Variants in CCSER1 observed in about 807,000 individuals in gnomAD.
CCSER1 encodes the protein serine-rich coiled-coil domain-containing protein 1.
Under a neutral mutation model 82.0 loss-of-function variants are expected in CCSER1, and 41 were observed. The observed-to-expected ratio is 0.50, with a 90% CI of 0.39 to 0.65. CCSER1 has a LOEUF of 0.65. CCSER1 is among the 30% of genes least tolerant of loss of function. The pLI, the probability that CCSER1 is intolerant of heterozygous loss-of-function variation, is 0.00. For synonymous variants in CCSER1, 414 were observed against 383.9 expected, an observed-to-expected ratio of 1.08 and a Z score of -0.92; for missense variants, 1,119 against 1,064.2, an observed-to-expected ratio of 1.05 and a Z score of -0.72.
At chr4:91,100,156 T>C (rs753556332) in intron 10 of CCSER1, among the ~76,000 whole-genome samples, 3 of 151,374 alleles carry the variant, frequency 2.0e-5, no homozygotes, top group Non-Finnish European at 4.4e-5. Flanking sequence ...AGGGCATGAC[T>C]CCCCAGACCC....
chr4:91,058,598 C>T (rs1423824958), intron 9 of CCSER1, among the ~76,000 whole-genome samples: 1 of 151,994 alleles, frequency 6.6e-6, no homozygotes, highest in Non-Finnish European at 1.5e-5. Flanking sequence ...ATAACTTTGT[C>T]ATCTTCATCC....
chr4:91,241,470 C>G (rs71597235), intron 10 of CCSER1, among the ~76,000 whole-genome samples: 1 of 148,020 alleles, frequency 6.8e-6, no homozygotes, highest in Non-Finnish European at 1.5e-5. Context: ...GGACTACATA[C>G]GCCAGCCACC....
chr4:90,637,415 A>T (rs2148963922), intron 6 of CCSER1, among the ~76,000 whole-genome samples: 1 of 152,280 alleles, frequency 6.6e-6, no homozygotes, highest in East Asian at 1.9e-4. Flanking sequence ...TGTCAAATTT[A>T]TTGGTCACAA....
intron 4 of CCSER1, among the ~76,000 whole-genome samples, chr4:90,452,258 A>T (rs1185415643): frequency 6.6e-6 from 1 of 152,078 alleles, no homozygotes; most frequent in Non-Finnish European, 1.5e-5. Context: ...ATCTGTTCGC[A>T]GTCCTGTTCA....
chr4:90,559,227 T>A (rs1313895459), intron 5 of CCSER1, among the ~76,000 whole-genome samples: 1 of 152,184 alleles, frequency 6.6e-6, no homozygotes, highest in African/African-American at 2.4e-5. Context: ...GCCCCCCTTT[T>A]ATTAATTGCT....
At chr4:91,280,197 T>C (rs767201060) in intron 10 of CCSER1, among the ~76,000 whole-genome samples, 47 of 152,160 alleles carry the variant, frequency 3.1e-4, no homozygotes, top group Non-Finnish European at 5.6e-4. Flanking sequence ...CCAGTGTTAG[T>C]GGGTTTAGGC....
chr4:90,837,718 T>TGAA (rs1337716609), intron 8 of CCSER1, among the ~76,000 whole-genome samples: 1 of 152,172 alleles, frequency 6.6e-6, no homozygotes, highest in Non-Finnish European at 1.5e-5. Flanking sequence ...CATACTTGTA[T>TGAA]GTACTAAAAT....
chr4:91,325,046 C>T (rs942056456), intron 10 of CCSER1: 7 of 387,588 alleles, frequency 1.8e-5, no homozygotes, highest in Admixed American at 3.4e-5. Context: ...AAAAGGCCAT[C>T]GGACCTGTGG....
intron 9 of CCSER1, among the ~76,000 whole-genome samples, chr4:91,078,441 G>C (rs1443169874): frequency 6.6e-6 from 1 of 152,188 alleles, no homozygotes; most frequent in African/African-American, 2.4e-5. Context: ...CATCATCAAA[G>C]ACCAAAGGTA....
At chr4:90,493,906 C>T (rs1768520599) in intron 5 of CCSER1, among the ~76,000 whole-genome samples, 1 of 152,170 alleles carries the variant, frequency 6.6e-6, no homozygotes, top group Admixed American at 6.5e-5. Flanking sequence ...ATCAAATTCA[C>T]ACATAACAAT....
chr4:90,310,377 T>C (rs552464786), intron 2 of CCSER1, among the ~76,000 whole-genome samples: 7 of 152,232 alleles, frequency 4.6e-5, no homozygotes, highest in Non-Finnish European at 1.0e-4. Flanking sequence ...CTTTGACATA[T>C]TTTAATTCCT....
At chr4:91,073,283 A>C (rs1175142042) in intron 9 of CCSER1, among the ~76,000 whole-genome samples, 1 of 152,124 alleles carries the variant, frequency 6.6e-6, no homozygotes, top group Non-Finnish European at 1.5e-5. Flanking sequence ...CTGTGACTTA[A>C]ATTTCAACAT....
intron 5 of CCSER1, among the ~76,000 whole-genome samples, chr4:90,557,913 G>A (rs1254411781): frequency 1.3e-5 from 2 of 152,186 alleles, no homozygotes; most frequent in South Asian, 2.1e-4. Context: ...TTTTTAAAAA[G>A]TAGATGTTGA....
At chr4:90,905,514 C>A (rs1725339418) in intron 8 of CCSER1, among the ~76,000 whole-genome samples, 1 of 152,076 alleles carries the variant, frequency 6.6e-6, no homozygotes, top group Non-Finnish European at 1.5e-5. Flanking sequence ...CCTTAAATGT[C>A]ATTTCTTCAC....
intron 10 of CCSER1, among the ~76,000 whole-genome samples, chr4:91,573,824 A>G (rs1037679936): frequency 6.6e-6 from 1 of 152,126 alleles, no homozygotes; most frequent in Admixed American, 6.6e-5. Flanking sequence ...CTAGTTGGCC[A>G]TCTTGGGCAC....
chr4:90,416,498 A>G (rs1181341699), intron 4 of CCSER1, among the ~76,000 whole-genome samples: 9 of 152,206 alleles, frequency 5.9e-5, no homozygotes. Context: ...TAAAATGACA[A>G]TAATTATGTC....
chr4:90,917,753 T>C (rs1045457297), intron 8 of CCSER1, among the ~76,000 whole-genome samples: 6 of 152,138 alleles, frequency 3.9e-5, no homozygotes, highest in Non-Finnish European at 8.8e-5. Context: ...ATTATTGACA[T>C]TGAAGTCCCT....
chr4:90,299,106 CTTAA>C (rs1287181489), intron 1 of CCSER1, among the ~76,000 whole-genome samples: 6 of 151,492 alleles, frequency 4.0e-5, no homozygotes, highest in African/African-American at 1.5e-4. Flanking sequence ...ATCATCATCC[CTTAA>C]TTAATTAATC....
chr4:90,134,803 T>C (rs1257831553), intron 1 of CCSER1, among the ~76,000 whole-genome samples: 1 of 152,222 alleles, frequency 6.6e-6, no homozygotes, highest in East Asian at 1.9e-4. Flanking sequence ...TATTTAACTG[T>C]GGATTTAATC....
Sources: gnomAD v4.1 joint callset for allele counts (sites outside exome capture counted in the v4.1 genomes callset) on GRCh38, gnomAD v4.1.1 for gene constraint, MANE v1.5 for transcripts, NCBI Gene and HGNC (gene_info 2026-07-23, HGNC 2026-07-21) for gene names.